RALYL: variants seen among roughly 807,000 people sequenced by gnomAD.
RALYL encodes RNA-binding Raly-like protein.
A neutral mutation model predicts 35.1 loss-of-function variants in RALYL; 29 were observed. The observed-to-expected ratio is 0.83, with a 90% CI of 0.61 to 1.13. The LOEUF (loss-of-function observed/expected upper bound fraction) is 1.13. Ranked by LOEUF, RALYL falls within the 50% of genes most tolerant of loss-of-function variation. The pLI is 0.00. For synonymous variants in RALYL, 120 were observed against 127.6 expected (o/e 0.94, Z 0.40); for missense variants, 359 against 360.4 (o/e 1.00, Z 0.03).
chr8:84,600,724 T>A (rs916749598), intron 2 of RALYL, among the ~76,000 whole-genome samples: 5 of 152,134 alleles, frequency 3.3e-5, no homozygotes, highest in Admixed American at 6.6e-5. Flanking sequence ...AAATTACTTT[T>A]ATAGTCATTT....
chr8:84,206,654 C>CT (rs1818125232), intron 1 of RALYL, among the ~76,000 whole-genome samples: 2 of 152,056 alleles, frequency 1.3e-5, no homozygotes, highest in African/African-American at 4.8e-5. Flanking sequence ...TTAGAACTAT[C>CT]TGAGTGGAGG....
chr8:84,252,757 A>G (rs1721844090), intron 1 of RALYL, among the ~76,000 whole-genome samples: 1 of 152,070 alleles, frequency 6.6e-6, no homozygotes, highest in African/African-American at 2.4e-5. Flanking sequence ...AATCCCTGAA[A>G]TAGGCCTAAC....
chr8:84,720,857 A>G (rs1341874824), intron 2 of RALYL, among the ~76,000 whole-genome samples: 3 of 152,196 alleles, frequency 2.0e-5, no homozygotes, highest in African/African-American at 7.2e-5. Context: ...AAAAAGAGAC[A>G]TACAAACGGA....
At chr8:84,565,051 G>A (rs1280832151) in intron 2 of RALYL, among the ~76,000 whole-genome samples, 4 of 151,418 alleles carry the variant, frequency 2.6e-5, no homozygotes, top group Non-Finnish European at 5.9e-5. Context: ...TATTTTAAAT[G>A]TCTTATTCTG....
chr8:84,678,430 AT>A (rs1033753545), intron 2 of RALYL, among the ~76,000 whole-genome samples: 96 of 151,626 alleles, frequency 6.3e-4, no homozygotes, highest in Non-Finnish European at 1.1e-3. Context: ...CACCCGGATA[AT>A]TTTTTTCACA....
rs552587001 is a variant in RALYL, at chr8:84,184,778, C to T, written c.-24+354C>T. 4.7e-5 allele frequency: 24 copies of T among 513,306 alleles called. No homozygotes were observed. In the Admixed American group the frequency reaches 7.6e-4, roughly 16 times the overall value. The allele number at this position is 513,306 out of a possible 1,614,324, so 31.8% of individuals were successfully genotyped here. A position where few individuals can be genotyped will look rare whatever the true frequency, so the allele number is the denominator to read the frequency against. On this transcript the variant is annotated intron_variant, in intron 1 of 8. Transcript: ENST00000521268. ...GGCCCTGTAAGTTCTCCGAGGGCCA[C>T]TTGCACAGCAGGAGGGGCGAGGGCC... is the stretch of plus-strand genomic sequence containing the variant.
At chr8:84,438,329 C>T (rs2047958831) in intron 1 of RALYL, among the ~76,000 whole-genome samples, 1 of 151,958 alleles carries the variant, frequency 6.6e-6, no homozygotes, top group Non-Finnish European at 1.5e-5. Context: ...AAATTACTTC[C>T]CAAGGCTGAT....
At chr8:84,819,039 C>A (rs551121515) in intron 4 of RALYL, among the ~76,000 whole-genome samples, 4 of 152,188 alleles carry the variant, frequency 2.6e-5, no homozygotes, top group African/African-American at 4.8e-5. Context: ...CAATGCCTGT[C>A]TTTTGATGAT....
intron 1 of RALYL, among the ~76,000 whole-genome samples, chr8:84,497,580 C>T (rs1459640379): frequency 6.7e-6 from 1 of 149,564 alleles, no homozygotes; most frequent in East Asian, 2.0e-4. Flanking sequence ...TTCATACACA[C>T]AATTTCAGAA....
chr8:84,801,507 T>C (rs762383610), intron 3 of RALYL, among the ~76,000 whole-genome samples: 17 of 152,154 alleles, frequency 1.1e-4, no homozygotes, highest in Non-Finnish European at 1.6e-4. Context: ...GTCATAGTGA[T>C]GGTGATGATA....
chr8:84,712,809 A>C (rs1205482549), intron 2 of RALYL, among the ~76,000 whole-genome samples: 2 of 141,762 alleles, frequency 1.4e-5, no homozygotes, highest in East Asian at 2.0e-4. Flanking sequence ...CATGTGAAAC[A>C]ACAAGACACT....
At chr8:84,403,035 A>C (rs1228179958) in intron 1 of RALYL, among the ~76,000 whole-genome samples, 1 of 152,026 alleles carries the variant, frequency 6.6e-6, no homozygotes, top group Non-Finnish European at 1.5e-5. Flanking sequence ...AAATTTGTTT[A>C]AGTTCCTGGT....
chr8:84,773,248 C>T lies in RALYL; in HGVS notation c.257-1331C>T, dbSNP rs185878884. ...GGTGGAATGTTCTTCAAATCCCTTA[C>T]TTTCTTGCTAGTTTTATGTTGCATT... On this transcript the variant is annotated intron_variant, in intron 2 of 8. Coordinates refer to ENST00000521268, the MANE Select transcript of RALYL (RefSeq NM_173848.7). Among the ~76,000 whole-genome samples the T allele has an allele frequency of 8.5e-3, 1,297 of 152,264 alleles. 17 individuals are homozygous for T. Among genetic ancestry groups the T allele is most frequent in the Middle Eastern group, 0.027 (8 of 294 alleles).
At chr8:84,403,186 T>G (rs4349981) in intron 1 of RALYL, among the ~76,000 whole-genome samples, 93,711 of 151,878 alleles carry the variant, frequency 0.62, 29,482 homozygotes, top group African/African-American at 0.74. Context: ...TGTCAATTTT[T>G]GCTTTTGTTG....
chr8:84,658,292 A>G (rs1830307944), intron 2 of RALYL, among the ~76,000 whole-genome samples: 2 of 152,114 alleles, frequency 1.3e-5, no homozygotes. Context: ...CTGACCCTCA[A>G]AAAGTGTGTT....
chr8:84,786,109 C>G (rs1043884685), intron 3 of RALYL, among the ~76,000 whole-genome samples: 1 of 152,302 alleles, frequency 6.6e-6, no homozygotes, highest in East Asian at 1.9e-4. Flanking sequence ...TGTTAGTTTG[C>G]TGAGGATAAT....
rs1334678897 is a variant in RALYL, at chr8:84,435,251, T to G, written c.-23-94048T>G. ...ACAGATATTAGAATTCATAGCTATA[T>G]GTAATTCAAATTTATTTCTGTATGT... On this transcript the variant is annotated intron_variant, in intron 1 of 8. Transcript: ENST00000521268. 2.6e-5 allele frequency among the ~76,000 whole-genome samples: 4 copies of G among 152,194 alleles called. No individual in the cohort carries two copies. In the East Asian group the frequency reaches 7.7e-4, roughly 29 times the overall value.
chr8:84,401,168 T>A (rs1379514696), intron 1 of RALYL, among the ~76,000 whole-genome samples: 2 of 152,214 alleles, frequency 1.3e-5, no homozygotes, highest in African/African-American at 2.4e-5. Flanking sequence ...CAGTCAGTTA[T>A]GTCAAGGGTG....
At chr8:84,366,763 C>CAA (rs1166208925) in intron 1 of RALYL, among the ~76,000 whole-genome samples, 18,163 of 56,394 alleles carry the variant, frequency 0.32, 4,772 homozygotes, top group East Asian at 0.48. Context: ...ATTTTTGTCT[C>CAA]AAAAAAAAAA....
Sources: allele counts gnomAD v4.1 joint callset (sites outside exome capture counted in the v4.1 genomes callset), GRCh38; gene constraint gnomAD v4.1.1; transcripts MANE v1.5; gene names NCBI Gene and HGNC (gene_info 2026-07-23, HGNC 2026-07-21).